PTK2B: variants seen among roughly 807,000 people sequenced by gnomAD.
The protein encoded by PTK2B is protein-tyrosine kinase 2-beta.
A neutral mutation model predicts 142.9 loss-of-function variants in PTK2B; 71 were observed. The ratio of observed to expected loss-of-function variants is 0.50; its 90% CI spans 0.41 to 0.61. The LOEUF (loss-of-function observed/expected upper bound fraction) is 0.61, where lower values mean the gene tolerates loss of function less well. Among genes scored for constraint, PTK2B ranks in the 20% least tolerant of loss-of-function variants. The pLI, the probability that PTK2B is intolerant of heterozygous loss-of-function variation, is 0.00. For missense variants in PTK2B, 1,105 were observed against 1,320.4 expected (o/e 0.84, Z 2.53); for synonymous variants, 519 against 503.4 (o/e 1.03, Z -0.42).
chr8:27,397,518 T>G, intron 1 of PTK2B, 30 bp from the exon 2 acceptor site: 1 of 1,568,352 alleles, frequency 6.4e-7, no homozygotes, highest in Non-Finnish European at 8.8e-7. Flanking sequence ...GTGGGGCTCT[T>G]TCAGGGCTGA....
intron 1 of PTK2B, among the ~76,000 whole-genome samples, chr8:27,386,059 G>A (rs1168874752): frequency 1.3e-5 from 2 of 152,124 alleles, no homozygotes; most frequent in Admixed American, 1.3e-4. Flanking sequence ...TTAACTGCAT[G>A]CAGTTCTAAA....
intron 3 of PTK2B, among the ~76,000 whole-genome samples, chr8:27,316,163 A>G (rs923039750): frequency 6.6e-6 from 1 of 152,206 alleles, no homozygotes; most frequent in African/African-American, 2.4e-5. Flanking sequence ...CACCTCCCAA[A>G]TGCCCTGCCA....
intron 3 of PTK2B, 128 bp from the exon 4 acceptor site, chr8:27,420,529 C>A: frequency 1.2e-6 from 1 of 858,036 alleles, no homozygotes; most frequent in East Asian, 2.4e-5. Context: ...GAATGAGTGG[C>A]CACGAGACTC....
chr8:27,439,528 C>T, intron 20 of PTK2B, 130 bp downstream of exon 20: 2 of 1,040,760 alleles, frequency 1.9e-6, no homozygotes, highest in South Asian at 1.4e-5. Context: ...TTTGCTGTGG[C>T]CACTGAGAAG....
chr8:27,423,427 G>T (rs570411124), intron 5 of PTK2B, among the ~76,000 whole-genome samples: 5 of 152,068 alleles, frequency 3.3e-5, no homozygotes, highest in Non-Finnish European at 7.4e-5. Context: ...AACTGGAGAC[G>T]TCCTGGCCCT....
intron 5 of PTK2B, among the ~76,000 whole-genome samples, chr8:27,428,135 G>A (rs903135461): frequency 1.3e-5 from 2 of 152,128 alleles, no homozygotes; most frequent in Non-Finnish European, 1.5e-5. Flanking sequence ...CATAAGGAGC[G>A]TGAAACCTAG....
At chr8:27,333,983 G>A (rs1803909851) in intron 1 of PTK2B, among the ~76,000 whole-genome samples, 2 of 151,912 alleles carry the variant, frequency 1.3e-5, no homozygotes, top group South Asian at 4.2e-4. Flanking sequence ...TCTCCTCCTG[G>A]CTTCTCTCCT....
In PTK2B at chr8:27,439,337, G is replaced by T; in HGVS notation, c.1773G>T (p.Trp591Cys). 1 of 1,614,078 alleles carries T rather than the reference G, an allele frequency of 6.2e-7. No individual in the cohort carries two copies. Among genetic ancestry groups the T allele is most frequent in the African/African-American group, 1.3e-5 (1 of 75,042 alleles). ...CTGTGACTCGTCTCCCCATCAAATG[G>T]ATGTCCCCAGAGTCCATTAACTTCC... ...KASVTRLPIK[W>C]MSPESINFRR... is the part of the protein sequence containing the mutation. The change falls in exon 20 of 31, where the codon TGG (tryptophan) becomes TGT (cysteine). Residue 591 changes from tryptophan (W) to cysteine (C), a missense_variant. Trp to Cys is a radical substitution (Grantham distance 215). Coordinates refer to ENST00000346049, the MANE Select transcript of PTK2B (RefSeq NM_173176.3).
In PTK2B at chr8:27,420,040, A is replaced by G; in HGVS notation, c.350A>G (p.Lys117Arg). The change falls in exon 3 of 31, where the codon AAG becomes AGG. Residue 117 changes from lysine to arginine, a missense_variant. Physicochemically the swap from Lys to Arg is conservative, Grantham distance 26. Coordinates refer to ENST00000346049, the MANE Select transcript of PTK2B (RefSeq NM_173176.3). ...PQMTVGEVQD[K>R]YECLHVEAEW... ...ATGACGGTGGGTGAGGTGCAGGACA[A>G]GTATGAGTGTCTGCACGTGGAAGCC... 1 of 1,614,224 alleles carries G rather than the reference A, an allele frequency of 6.2e-7. No homozygotes were observed. The highest frequency in any genetic ancestry group is 8.5e-7 in the Non-Finnish European group (1 of 1,180,040).
At chr8:27,378,013 AG>A (rs1806776931) in intron 1 of PTK2B, among the ~76,000 whole-genome samples, 2 of 152,212 alleles carry the variant, frequency 1.3e-5, no homozygotes, top group African/African-American at 2.4e-5. Context: ...TGTAAAAACG[AG>A]GGAAGTAAAA....
rs75889330 is a variant in PTK2B at position 27,346,767 on chromosome 8, G to A, written c.-38+21086G>A. ...AAAGGTATCTTTTCCTTGAGCACCT[G>A]TTGGGAATGTTTCGTCCCAACACCT... On this transcript the variant is annotated intron_variant, in intron 1 of 30. Coordinates refer to ENST00000346049, the MANE Select transcript of PTK2B (RefSeq NM_173176.3). 3.0e-3 allele frequency among the ~76,000 whole-genome samples: 454 copies of A among 152,342 alleles called. 2 individuals are homozygous for A. The highest frequency in any genetic ancestry group is 0.011 in the African/African-American group (441 of 41,590).
intron 22 of PTK2B, 97 bp downstream of exon 22, chr8:27,443,080 C>T (rs755756360): frequency 6.7e-5 from 49 of 733,474 alleles, no homozygotes; most frequent in Non-Finnish European, 1.1e-4. Flanking sequence ...AGGATGCCCC[C>T]TACAGCCCTT....
rs762797846 is a variant in PTK2B at position 27,430,325 on chromosome 8, A to AG, written c.615-34dup. 9 of 1,613,612 alleles carry AG rather than the reference A, an allele frequency of 5.6e-6. No individual in the cohort carries two copies. In the East Asian group the frequency reaches 2.0e-4, roughly 36 times the overall value. Reference sequence around the variant, plus strand: ...GGCCCGCAGTCCTGTGGTGGGGGTGAGGGGGAGTCACATGCTGCCTTTTTC... The same window carrying AG: ...GGCCCGCAGTCCTGTGGTGGGGGTGAGGGGGGAGTCACATGCTGCCTTTTTC... On this transcript the variant is annotated intron_variant, in intron 6 of 30. Coordinates refer to ENST00000346049, the MANE Select transcript of PTK2B (RefSeq NM_173176.3).
At chr8:27,389,547 C>T (rs75795458) in intron 1 of PTK2B, among the ~76,000 whole-genome samples, 7,360 of 152,242 alleles carry the variant, frequency 0.048, 596 homozygotes, top group African/African-American at 0.17. Context: ...CCTCCTGCCC[C>T]GCAAGACCCC....
At chr8:27,385,619 G>A (rs762481419) in intron 1 of PTK2B, among the ~76,000 whole-genome samples, 10 of 152,262 alleles carry the variant, frequency 6.6e-5, no homozygotes, top group South Asian at 2.1e-4. Flanking sequence ...AGGGCCGGGC[G>A]CGATGGCCCA....
At chr8:27,456,467 A>G (rs1203809186) in intron 30 of PTK2B, among the ~76,000 whole-genome samples, 1 of 152,222 alleles carries the variant, frequency 6.6e-6, no homozygotes, top group Non-Finnish European at 1.5e-5. Flanking sequence ...AGACTTATCA[A>G]TAAATGTTGT....
In PTK2B at chr8:27,445,763, T is replaced by C. The variant is rs774078305; in HGVS notation, c.2215-31T>C. The C allele has an allele frequency of 2.5e-5, 41 of 1,611,976 alleles. No homozygotes were observed. In the South Asian group the frequency reaches 4.5e-4, roughly 18 times the overall value. ...TTGTCTACCTTCTCGCTTTGTCCCGTGCCTTGTGCTTCTTTGCTTTTCCTG... is the reference window on the plus strand; with the variant it reads ...TTGTCTACCTTCTCGCTTTGTCCCGCGCCTTGTGCTTCTTTGCTTTTCCTG... On this transcript the variant is annotated intron_variant, in intron 23 of 30. Transcript: ENST00000346049.
At chr8:27,360,978 A>G (rs188059070) in intron 1 of PTK2B, among the ~76,000 whole-genome samples, 44 of 152,300 alleles carry the variant, frequency 2.9e-4, no homozygotes, top group African/African-American at 9.6e-4. Flanking sequence ...TTTTGTTGAT[A>G]TGAAGTTAAG....
chr8:27,441,569 C>T (rs1811160638), intron 21 of PTK2B, among the ~76,000 whole-genome samples: 1 of 152,170 alleles, frequency 6.6e-6, no homozygotes, highest in Non-Finnish European at 1.5e-5. Context: ...CCAGCAATGC[C>T]CAGGCCAGGG....
Sources: allele counts gnomAD v4.1 joint callset (sites outside exome capture counted in the v4.1 genomes callset), GRCh38; gene constraint gnomAD v4.1.1; transcripts MANE v1.5; gene names NCBI Gene and HGNC (gene_info 2026-07-23, HGNC 2026-07-21).